Variants in OVCH1 observed in about 807,000 individuals in gnomAD.
OVCH1 encodes ovochymase-1.
OVCH1 carries 139 observed loss-of-function variants against 138.4 expected under a neutral mutation model. The observed-to-expected ratio is 1.00, with a 90% CI of 0.87 to 1.16. The LOEUF (loss-of-function observed/expected upper bound fraction) is 1.16, where lower values mean the gene tolerates loss of function less well. OVCH1 is among the 50% of genes most tolerant of loss of function. The probability of loss-of-function intolerance (pLI) is 0.00; values close to 1 mark genes in which losing one functional copy is unlikely to be tolerated. For missense variants in OVCH1, 1,367 were observed against 1,357.9 expected, an observed-to-expected ratio of 1.01 and a Z score of -0.11; for synonymous variants, 453 against 467.8, an observed-to-expected ratio of 0.97 and a Z score of 0.41.
At chr12:29,466,085 C>T (rs1414904860) in intron 16 of OVCH1, among the ~76,000 whole-genome samples, 10 of 106,484 alleles carry the variant, frequency 9.4e-5, no homozygotes, top group Admixed American at 1.5e-4. Context: ...GATCACACAC[C>T]GGGGACTGTT....
chr12:29,453,055 T>C (rs12305868), intron 21 of OVCH1, among the ~76,000 whole-genome samples: 4,187 of 152,234 alleles, frequency 0.028, 192 homozygotes, highest in African/African-American at 0.096. Context: ...GTCACCACCA[T>C]TTATGGACCC....
At chr12:29,465,443 T>C (rs771789378) in intron 16 of OVCH1, among the ~76,000 whole-genome samples, 6 of 152,218 alleles carry the variant, frequency 3.9e-5, no homozygotes, top group Admixed American at 2.6e-4. Context: ...CAAGCACATC[T>C]TATCACAGCA....
intron 8 of OVCH1, among the ~76,000 whole-genome samples, chr12:29,484,285 A>C (rs1169507640): frequency 6.6e-6 from 1 of 152,208 alleles, no homozygotes; most frequent in African/African-American, 2.4e-5. Flanking sequence ...TGATCATAGA[A>C]ATAAATGTGA....
chr12:29,456,101 A>G (rs1387955409), intron 19 of OVCH1, among the ~76,000 whole-genome samples: 2 of 152,186 alleles, frequency 1.3e-5, no homozygotes, highest in Non-Finnish European at 2.9e-5. Context: ...AATTTCAAAG[A>G]CTTTAAGGGC....
Position 29,461,887 on chromosome 12 carries a change from GC to G in OVCH1, c.2246del (p.Gly749AlafsTer19). On this transcript the variant is annotated frameshift_variant, in exon 19 of 28. Coordinates refer to ENST00000318184, the Ensembl canonical transcript of OVCH1. LOFTEE classifies it high-confidence loss of function. ...AATCTTTCTCTCCAGATGCTGCAAAGCCAGCACAGATCATCTTCTCTGTGAT... is the reference window on the plus strand; with the variant it reads ...AATCTTTCTCTCCAGATGCTGCAAAGCAGCACAGATCATCTTCTCTGTGAT... 6.2e-7 allele frequency: 1 copy of G among 1,613,842 alleles called. No homozygotes were observed. The highest frequency in any genetic ancestry group is 8.5e-7 in the Non-Finnish European group (1 of 1,179,788).
exon 20 of OVCH1, chr12:29,455,308 T>A (rs1228832491): frequency 6.2e-7 from 1 of 1,613,824 alleles, no homozygotes; most frequent in Admixed American, 1.7e-5. Context: ...TACACCCGGC[T>A]TCCATGGCTG....
intron 19 of OVCH1, among the ~76,000 whole-genome samples, chr12:29,461,128 C>T (rs759918624): frequency 1.3e-5 from 2 of 152,140 alleles, no homozygotes; most frequent in Non-Finnish European, 2.9e-5. Flanking sequence ...TCTTTCCTCT[C>T]TACACCAGAC....
At position 29,442,524 on chromosome 12, in the gene OVCH1, A is replaced by C. The variant is rs1592043342; in HGVS notation, c.3157+837T>G. Among the ~76,000 whole-genome samples, 7 of 150,448 alleles carry C rather than the reference A, an allele frequency of 4.7e-5. No homozygotes were observed. In the South Asian group the frequency reaches 1.5e-3, roughly 32 times the overall value. ...CTTTAGGAGATATACCTAATGCTAA[A>C]TGACGAGTTAATGGGTGCAGCACAC... On this transcript the variant is annotated intron_variant, in intron 25 of 27. Transcript: ENST00000318184.
intron 25 of OVCH1, among the ~76,000 whole-genome samples, chr12:29,440,119 T>C (rs2135916567): frequency 6.6e-6 from 1 of 152,256 alleles, no homozygotes; most frequent in East Asian, 1.9e-4. Context: ...TACCCAGAGG[T>C]TGGGCTATAA....
At chr12:29,426,334 A>G (rs1452969875), downstream of OVCH1, among the ~76,000 whole-genome samples, 1 of 152,200 alleles carries the variant, frequency 6.6e-6, no homozygotes, top group Admixed American at 6.5e-5. Flanking sequence ...GACTTACATT[A>G]GTTTTAGTTT....
chr12:29,443,375 C>A (rs969600577), exon 25 of OVCH1: 1 of 1,607,102 alleles, frequency 6.2e-7, no homozygotes, highest in African/African-American at 1.3e-5. Context: ...TAATTTTTTT[C>A]CTGGTCCAAA....
Position 29,496,683 on chromosome 12 carries a change from A to G in OVCH1, c.65-9T>C. On this transcript the variant is annotated splice_polypyrimidine_tract_variant and intron_variant, in intron 1 of 27. Transcript: ENST00000318184. Reference sequence around the variant, plus strand: ...AATTCCACACTTCAGTCCTGTGTAGAAGAGCATGTGTGTGTGCACACACAG... The same window carrying G: ...AATTCCACACTTCAGTCCTGTGTAGGAGAGCATGTGTGTGTGCACACACAG... 6.3e-7 allele frequency: 1 copy of G among 1,588,818 alleles called. No individual in the cohort carries two copies. The highest frequency in any genetic ancestry group is 8.6e-7 in the Non-Finnish European group (1 of 1,159,368).
intron 3 of OVCH1, among the ~76,000 whole-genome samples, chr12:29,418,387 A>G (rs1158699813): frequency 1.3e-5 from 2 of 152,250 alleles, no homozygotes; most frequent in Non-Finnish European, 1.5e-5. Flanking sequence ...ATTAAAAATT[A>G]ATTTCTTTGA....
chr12:29,448,159 C>T (rs1941669838), intron 22 of OVCH1, among the ~76,000 whole-genome samples: 1 of 146,132 alleles, frequency 6.8e-6, no homozygotes, highest in Non-Finnish European at 1.5e-5. Flanking sequence ...AAGGAGCAGG[C>T]ATCCTAGATC....
chr12:29,435,465 C>A (rs529413475), intron 26 of OVCH1, among the ~76,000 whole-genome samples: 1 of 152,076 alleles, frequency 6.6e-6, no homozygotes, highest in South Asian at 2.1e-4. Context: ...CTTCTGGGTT[C>A]ACGCCATTCT....
At chr12:29,403,516 A>G in the OVCH1 span, among the ~76,000 whole-genome samples, 3 of 152,220 alleles carry the variant, frequency 2.0e-5, no homozygotes, top group Non-Finnish European at 2.9e-5. Flanking sequence ...TTTATATTGC[A>G]GATTTCTGTG....
chr12:29,416,625 T>G (rs1412614829), intron 3 of OVCH1, among the ~76,000 whole-genome samples: 1 of 151,762 alleles, frequency 6.6e-6, no homozygotes, highest in African/African-American at 2.4e-5. Context: ...TCAGAATGGC[T>G]AACATTTTTT....
chr12:29,458,729 A>G (rs1239640969), intron 19 of OVCH1, among the ~76,000 whole-genome samples: 2 of 152,210 alleles, frequency 1.3e-5, no homozygotes, highest in Non-Finnish European at 2.9e-5. Flanking sequence ...AATTTCTGCA[A>G]ACTACCCATC....
At chr12:29,489,848 A>G in intron 5 of OVCH1, 77 bp from the exon 6 acceptor site, 1 of 1,422,946 alleles carries the variant, frequency 7.0e-7, no homozygotes, top group Non-Finnish European at 9.6e-7. Flanking sequence ...CAAGTTTGGA[A>G]CTATTTCAAA....
Sources: gnomAD v4.1 joint callset for allele counts (sites outside exome capture counted in the v4.1 genomes callset) on GRCh38, gnomAD v4.1.1 for gene constraint, MANE v1.5 for transcripts, NCBI Gene and HGNC (gene_info 2026-07-23, HGNC 2026-07-21) for gene names.